PGM1: variants seen among roughly 807,000 people sequenced by gnomAD.
The protein encoded by PGM1 is phosphoglucomutase 1.
PGM1 carries 52 observed loss-of-function variants against 55.6 expected under a neutral mutation model. The ratio of observed to expected loss-of-function variants is 0.94; its 90% CI spans 0.75 to 1.18. PGM1 has a LOEUF of 1.18. Among genes scored for constraint, PGM1 ranks in the 50% most tolerant of loss-of-function variants. PGM1 has a pLI of 0.00. For missense variants in PGM1, 724 were observed against 729.3 expected (o/e 0.99, Z 0.08); for synonymous variants, 287 against 271.7 (o/e 1.06, Z -0.55).
At chr1:63,629,711 G>T (rs771794811) in intron 2 of PGM1, 124 bp downstream of exon 2, 103 of 1,041,114 alleles carry the variant, frequency 9.9e-5, no homozygotes, top group Non-Finnish European at 1.3e-4. Flanking sequence ...GGTGCTCTTT[G>T]CTTCCTTTCA....
At chr1:63,604,935 G>GTT (rs1241354710) in intron 1 of PGM1, among the ~76,000 whole-genome samples, 1 of 142,808 alleles carries the variant, frequency 7.0e-6, no homozygotes, top group African/African-American at 2.6e-5. Context: ...GTGTGTGTGT[G>GTT]TGTGTGTGTG....
chr1:63,612,373 A>T (rs943278935), intron 1 of PGM1, among the ~76,000 whole-genome samples: 2 of 152,222 alleles, frequency 1.3e-5, no homozygotes, highest in Admixed American at 1.3e-4. Flanking sequence ...AGGCCTTCTA[A>T]CTTGGGTCAA....
chr1:63,603,285 G>T (rs142456974), intron 1 of PGM1, among the ~76,000 whole-genome samples: 1 of 152,232 alleles, frequency 6.6e-6, no homozygotes. Context: ...AATGTAAGGG[G>T]TGTTGGGCCA....
In PGM1 at chr1:63,634,940, A is replaced by G. The variant is rs745337103; in HGVS notation, c.794A>G (p.Asn265Ser). 6.2e-6 allele frequency: 10 copies of G among 1,613,794 alleles called. No individual in the cohort carries two copies. The highest frequency in any genetic ancestry group is 1.3e-5 in the African/African-American group (1 of 74,852). Residue 265 changes from asparagine to serine, a missense_variant, in exon 5 of 11, where the codon AAC (asparagine) becomes AGC (serine). By Grantham distance (46) the Asn-to-Ser change is conservative (BLOSUM62 1). Coordinates refer to ENST00000371084, the MANE Select transcript of PGM1 (RefSeq NM_002633.3). ...EDFGGHHPDP[N>S]LTYAADLVET... ...TTTGGAGGCCACCACCCTGACCCCA[A>G]CCTCACCTATGCAGCTGACCTGGTG...
At chr1:63,617,476 G>A (rs1648768655) in intron 1 of PGM1, among the ~76,000 whole-genome samples, 1 of 152,026 alleles carries the variant, frequency 6.6e-6, no homozygotes, top group Non-Finnish European at 1.5e-5. Context: ...GGGAGGCCAG[G>A]CGGGCAGATC....
chr1:63,596,254 C>A (rs141449145), intron 1 of PGM1, among the ~76,000 whole-genome samples: 1 of 111,328 alleles, frequency 9.0e-6, no homozygotes, highest in Non-Finnish European at 1.8e-5. Flanking sequence ...TTTTCTTCTT[C>A]TTTTTTTTTT....
intron 4 of PGM1, among the ~76,000 whole-genome samples, chr1:63,633,954 T>TATTTTTTA (rs1649292140): frequency 1.5e-5 from 2 of 132,314 alleles, no homozygotes; most frequent in African/African-American, 5.7e-5. Context: ...TTTTTTTTTT[T>TATTTTTTA]TTTTTTTAGT....
chr1:63,594,970 A>AAAAG (rs1208633081), intron 1 of PGM1, among the ~76,000 whole-genome samples: 7 of 148,744 alleles, frequency 4.7e-5, no homozygotes, highest in African/African-American at 1.5e-4. Flanking sequence ...CAAAAAAAAA[A>AAAAG]AAAAAGAAAA....
chr1:63,595,558 G>A (rs890573900), intron 1 of PGM1, among the ~76,000 whole-genome samples: 3 of 152,120 alleles, frequency 2.0e-5, no homozygotes, highest in Admixed American at 1.3e-4. Flanking sequence ...TCAGACAAGC[G>A]CAAATTCCCA....
intron 7 of PGM1, among the ~76,000 whole-genome samples, chr1:63,640,597 C>T (rs144945003): frequency 1.2e-3 from 187 of 151,950 alleles, no homozygotes; most frequent in African/African-American, 4.2e-3. Context: ...TTCCACAGAC[C>T]CATGTGGGAA....
At chr1:63,622,615 T>G (rs898901794) in intron 1 of PGM1, among the ~76,000 whole-genome samples, 2 of 152,200 alleles carry the variant, frequency 1.3e-5, no homozygotes, top group Non-Finnish European at 2.9e-5. Flanking sequence ...TTTGCTTACA[T>G]TTTTAAGGAC....
chr1:63,623,535 T>G, intron 1 of PGM1: 2 of 1,612,726 alleles, frequency 1.2e-6, no homozygotes, highest in South Asian at 2.2e-5. Context: ...TGTTGACTTT[T>G]GCTACAGCTC....
At chr1:63,637,151 T>A (rs778853150) in intron 6 of PGM1, among the ~76,000 whole-genome samples, 14 of 152,264 alleles carry the variant, frequency 9.2e-5, no homozygotes, top group Non-Finnish European at 1.5e-4. Context: ...AAGTAGGCTG[T>A]AATATATCTC....
chr1:63,645,167 G>A (rs1649617498), intron 7 of PGM1, among the ~76,000 whole-genome samples: 1 of 152,172 alleles, frequency 6.6e-6, no homozygotes, highest in Admixed American at 6.5e-5. Context: ...AATTGGAATT[G>A]GATATTTGTT....
chr1:63,655,466 AG>A (rs1426768375), intron 10 of PGM1, among the ~76,000 whole-genome samples: 1 of 152,182 alleles, frequency 6.6e-6, no homozygotes, highest in East Asian at 1.9e-4. Flanking sequence ...CAGCTTGGTA[AG>A]CTGGGTTCCT....
chr1:63,624,383 C>G (rs534801748), intron 1 of PGM1, among the ~76,000 whole-genome samples: 28 of 152,260 alleles, frequency 1.8e-4, no homozygotes, highest in African/African-American at 6.5e-4. Flanking sequence ...GATAATAACT[C>G]CTGTAAGACT....
chr1:63,609,091 T>C (rs1648501417), intron 1 of PGM1, among the ~76,000 whole-genome samples: 1 of 152,240 alleles, frequency 6.6e-6, no homozygotes. Flanking sequence ...CCTCACTTTT[T>C]GGCTGTCCTA....
intron 1 of PGM1, among the ~76,000 whole-genome samples, chr1:63,596,172 A>G (rs1374716972): frequency 6.7e-6 from 1 of 148,978 alleles, no homozygotes; most frequent in Non-Finnish European, 1.5e-5. Context: ...TTCTACTCAC[A>G]CTTTTTGGAA....
At chr1:63,624,324 T>C (rs976547489) in intron 1 of PGM1, among the ~76,000 whole-genome samples, 2 of 152,150 alleles carry the variant, frequency 1.3e-5, no homozygotes, top group Non-Finnish European at 2.9e-5. Flanking sequence ...TATAATGACC[T>C]TGGACACAAA....
Sources: allele counts gnomAD v4.1 joint callset (sites outside exome capture counted in the v4.1 genomes callset), GRCh38; gene constraint gnomAD v4.1.1; transcripts MANE v1.5; gene names NCBI Gene and HGNC (gene_info 2026-07-23, HGNC 2026-07-21).